The following HTR2C variants were observed in gnomAD, a reference collection of about 807,000 sequenced individuals.
HTR2C encodes the protein 5-hydroxytryptamine receptor 2C, also known as 5-hydroxytryptamine (serotonin) receptor 2C, G protein-coupled.
In HTR2C, 5 loss-of-function variants were observed where a neutral mutation model predicts 21.0. The ratio of observed to expected loss-of-function variants is 0.24; its 90% CI spans 0.12 to 0.50. HTR2C has a LOEUF of 0.50. Ranked by LOEUF, HTR2C falls within the 20% of genes least tolerant of loss-of-function variation. The pLI is 0.98. For missense variants in HTR2C, 271 were observed against 371.2 expected (o/e 0.73, Z 2.22); for synonymous variants, 150 against 145.3 (o/e 1.03, Z -0.23).
chrX:114,674,872 T>C (rs781837153), intron 2 of HTR2C, among the ~76,000 whole-genome samples: 1 of 112,096 alleles, frequency 8.9e-6, no homozygotes, highest in Admixed American at 9.5e-5. Context: ...TTCTTGATAC[T>C]GTATTCATTA....
rs2071379826 is a variant in HTR2C, at chrX:114,906,950, C to T, written c.912C>T (p.Asn304=). 5.0e-6 allele frequency: 6 copies of T among 1,208,966 alleles called. No individual in the cohort carries two copies. In the Admixed American group the frequency reaches 6.6e-5, roughly 13 times the overall value. Residue 304 remains asparagine (N), a synonymous_variant, in exon 6 of 6, where the codon AAC becomes AAT. Transcript: ENST00000276198. ...RRPRGTMQAI[N]NERKASKVLG... is the part of the protein sequence containing the mutation. ...CTAGGGGCACCATGCAGGCTATCAA[C>T]AATGAAAGAAAAGCTTCGAAAGTCC...
chrX:114,888,781 C>T (rs1442569551), intron 5 of HTR2C, among the ~76,000 whole-genome samples: 1 of 112,039 alleles, frequency 8.9e-6, no homozygotes, highest in Non-Finnish European at 1.9e-5. Context: ...CACTAGTTTT[C>T]GTGGAAAGTA....
intron 2 of HTR2C, among the ~76,000 whole-genome samples, chrX:114,725,878 A>G (rs1933442906): frequency 9.2e-6 from 1 of 109,171 alleles, no homozygotes; most frequent in South Asian, 4.1e-4. Flanking sequence ...CCGTTCTCAG[A>G]TCTCCAGCTG....
At chrX:114,835,438 C>T (rs1215389124) in intron 4 of HTR2C, among the ~76,000 whole-genome samples, 6 of 106,162 alleles carry the variant, frequency 5.7e-5, no homozygotes, top group South Asian at 4.4e-4. Context: ...CTTCCCTTCT[C>T]ACTTCATTTC....
chrX:114,703,473 G>A (rs1461664729), intron 2 of HTR2C, among the ~76,000 whole-genome samples: 3 of 110,149 alleles, frequency 2.7e-5, no homozygotes, highest in Admixed American at 9.8e-5. Flanking sequence ...GGGTACATAA[G>A]GAAATGAAGG....
intron 2 of HTR2C, among the ~76,000 whole-genome samples, chrX:114,651,111 G>A (rs1170733317): frequency 9.0e-6 from 1 of 111,716 alleles, no homozygotes; most frequent in Non-Finnish European, 1.9e-5. Flanking sequence ...GAGGCTAGGG[G>A]AATTTAACTG....
intron 2 of HTR2C, among the ~76,000 whole-genome samples, chrX:114,619,727 G>A (rs1929083156): frequency 9.0e-6 from 1 of 111,131 alleles, no homozygotes; most frequent in Non-Finnish European, 1.9e-5. Context: ...AACACAAGGT[G>A]AGAATTCTGT....
chrX:114,780,569 G>A (rs1556440296), intron 4 of HTR2C, among the ~76,000 whole-genome samples: 1 of 111,492 alleles, frequency 9.0e-6, no homozygotes, highest in Admixed American at 9.5e-5. Context: ...GCAAGAAAAG[G>A]TGCCTTAGAA....
At chrX:114,637,020 A>G (rs1196110073) in intron 2 of HTR2C, among the ~76,000 whole-genome samples, 1 of 111,730 alleles carries the variant, frequency 9.0e-6, no homozygotes, top group African/African-American at 3.3e-5. Context: ...GAAAATATTC[A>G]TAGTCAGTAC....
chrX:114,681,313 C>A (rs1377292883), intron 2 of HTR2C, among the ~76,000 whole-genome samples: 1 of 111,225 alleles, frequency 9.0e-6, no homozygotes, highest in East Asian at 2.8e-4. Flanking sequence ...CCTCCTTGAT[C>A]TTTGCCAGGC....
chrX:114,601,702 C>A (rs1556394487), intron 1 of HTR2C, among the ~76,000 whole-genome samples: 1 of 108,229 alleles, frequency 9.2e-6, no homozygotes. Flanking sequence ...GATGGCTTGG[C>A]TTGGGCTCAG....
chrX:114,696,748 C>T (rs1241768462), intron 2 of HTR2C, among the ~76,000 whole-genome samples: 2 of 103,367 alleles, frequency 1.9e-5, no homozygotes, highest in African/African-American at 7.0e-5. Flanking sequence ...TCAAACTATA[C>T]GATGTTAATG....
chrX:114,688,327 A>C (rs1372527723), intron 2 of HTR2C, among the ~76,000 whole-genome samples: 5 of 109,353 alleles, frequency 4.6e-5, no homozygotes, highest in Non-Finnish European at 9.5e-5. Flanking sequence ...TCTCAAAAAA[A>C]AAAAAAAAGA....
At chrX:114,894,406 T>C (rs782123335) in intron 5 of HTR2C, among the ~76,000 whole-genome samples, 1 of 111,311 alleles carries the variant, frequency 9.0e-6, no homozygotes, top group Non-Finnish European at 1.9e-5. Flanking sequence ...GATATTTAAG[T>C]GTAGATCTTA....
At chrX:114,890,418 C>T (rs782100856) in intron 5 of HTR2C, among the ~76,000 whole-genome samples, 192 of 112,061 alleles carry the variant, frequency 1.7e-3, no homozygotes, top group African/African-American at 5.9e-3. Flanking sequence ...TTATACTTAA[C>T]CACATATTCA....
At chrX:114,734,903 TG>T (rs2069575781) in intron 4 of HTR2C, among the ~76,000 whole-genome samples, 1 of 111,453 alleles carries the variant, frequency 9.0e-6, no homozygotes, top group Non-Finnish European at 1.9e-5. Context: ...ATACACAAAA[TG>T]GTTTGGAAAT....
intron 1 of HTR2C, among the ~76,000 whole-genome samples, chrX:114,607,933 G>A (rs894692867): frequency 9.0e-6 from 1 of 111,190 alleles, no homozygotes; most frequent in Non-Finnish European, 1.9e-5. Context: ...GCTGCAATGA[G>A]CCAAGATGAT....
At position 114,899,580 on chromosome X, in the gene HTR2C, C is replaced by T. The variant is rs191680213; in HGVS notation, c.551-7009C>T. ...TCCGTGGGAGGAGCATGGTTTCCCA[C>T]GGTCGCACAAGCACTCACCGCTTCC... On this transcript the variant is annotated intron_variant, in intron 5 of 5. Transcript: ENST00000276198. Among the ~76,000 whole-genome samples, 290 of 110,977 alleles carry T rather than the reference C, an allele frequency of 2.6e-3. 3 individuals are homozygous for T. The highest frequency in any genetic ancestry group is 8.6e-3 in the African/African-American group (263 of 30,561).
intron 2 of HTR2C, among the ~76,000 whole-genome samples, chrX:114,688,639 T>G (rs781818438): frequency 8.9e-6 from 1 of 111,916 alleles, no homozygotes; most frequent in East Asian, 2.8e-4. Context: ...TTTTTATTCC[T>G]AGTCATAGAA....
Sources: allele counts gnomAD v4.1 joint callset (sites outside exome capture counted in the v4.1 genomes callset), GRCh38; gene constraint gnomAD v4.1.1; transcripts MANE v1.5; gene names NCBI Gene and HGNC (gene_info 2026-07-23, HGNC 2026-07-21).